The following NPHP4 variants were observed in gnomAD, a reference collection of about 807,000 sequenced individuals.
The protein encoded by NPHP4 is nephrocystin-4.
NPHP4 carries 151 observed loss-of-function variants against 155.8 expected under a neutral mutation model. That is an observed-to-expected ratio of 0.97 (90% CI 0.85 to 1.11). The LOEUF (loss-of-function observed/expected upper bound fraction) is 1.11. Among genes scored for constraint, NPHP4 ranks in the 50% least tolerant of loss-of-function variants. NPHP4 has a pLI of 0.00. For missense variants in NPHP4, 1,956 were observed against 1,925.7 expected, an observed-to-expected ratio of 1.02 and a Z score of -0.29; for synonymous variants, 845 against 816.8, an observed-to-expected ratio of 1.03 and a Z score of -0.59.
chr1:5,901,247 G>A (rs567834891), intron 16 of NPHP4, among the ~76,000 whole-genome samples: 17 of 152,184 alleles, frequency 1.1e-4, no homozygotes, highest in Middle Eastern at 3.4e-3. Context: ...TTTACCGTAC[G>A]CATGTTACAG....
At chr1:5,961,430 T>C (rs1570651798) in intron 6 of NPHP4, among the ~76,000 whole-genome samples, 1 of 152,138 alleles carries the variant, frequency 6.6e-6, no homozygotes, top group Non-Finnish European at 1.5e-5. Flanking sequence ...TTACCTTAAT[T>C]TAAAAATCAT....
intron 3 of NPHP4, among the ~76,000 whole-genome samples, chr1:5,973,050 A>C (rs1173948641): frequency 1.3e-5 from 2 of 152,106 alleles, no homozygotes; most frequent in Non-Finnish European, 2.9e-5. Context: ...ACGCCCAGCT[A>C]ATCTTTAAAT....
At chr1:5,875,207 C>T (rs2100639551) in intron 20 of NPHP4, 107 bp from the exon 21 acceptor site, 2 of 882,434 alleles carry the variant, frequency 2.3e-6, no homozygotes, top group East Asian at 5.3e-5. Context: ...GACATTTCTC[C>T]ACAAGCATCG....
intron 9 of NPHP4, among the ~76,000 whole-genome samples, chr1:5,941,442 C>T (rs1646812404): frequency 1.3e-5 from 2 of 151,570 alleles, no homozygotes; most frequent in Admixed American, 1.3e-4. Context: ...TATCTGACTA[C>T]ATTAAAAGAT....
At chr1:5,877,473 T>C in intron 19 of NPHP4, 175 bp from the exon 20 acceptor site, 1 of 450,342 alleles carries the variant, frequency 2.2e-6, no homozygotes, top group East Asian at 3.4e-5. Context: ...GATGATAACT[T>C]TATACCCTGG....
chr1:5,933,100 T>C (rs752910948), intron 10 of NPHP4, 47 bp downstream of exon 10: 1 of 1,383,948 alleles, frequency 7.2e-7, no homozygotes, highest in Non-Finnish European at 9.7e-7. Context: ...ATGAATGAAC[T>C]TGCTAGAAGC....
intron 23 of NPHP4, among the ~76,000 whole-genome samples, chr1:5,870,179 AGCTGAGCCTGGGGCGTCTT>A (rs1273646860): frequency 6.6e-6 from 1 of 152,190 alleles, no homozygotes; most frequent in Admixed American, 6.5e-5. Flanking sequence ...CTGAAATGCA[AGCTGAGCCTGGGGCGTCTT>A]GCTGTGCTGG....
At chr1:5,915,300 C>T (rs924012652) in intron 11 of NPHP4, among the ~76,000 whole-genome samples, 1 of 152,062 alleles carries the variant, frequency 6.6e-6, no homozygotes, top group Admixed American at 6.5e-5. Context: ...AAAGGAAGGA[C>T]CATCGCTAGT....
rs1557661591 is a variant in NPHP4 at position 5,889,210 on chromosome 1, A to G, written c.2304+1658T>C. ...GCAGTGATTAGCAGAAGGAAAAGCC[A>G]CTGTAGTGACCCGCAACAGCAAGAG... On this transcript the variant is annotated intron_variant, in intron 17 of 29. Transcript: ENST00000378156. This position sits in a 1 kb window ranked among gnomAD's most constrained non-coding sequence, Gnocchi z 4.2. Among the ~76,000 whole-genome samples, 2 of 152,180 alleles carry G rather than the reference A, an allele frequency of 1.3e-5. No homozygotes were observed. The highest frequency in any genetic ancestry group is 2.4e-5 in the African/African-American group (1 of 41,446).
chr1:5,969,252 T>G lies in NPHP4; in HGVS notation c.287A>C (p.Tyr96Ser). The G allele has an allele frequency of 6.4e-7, 1 of 1,555,472 alleles. No homozygotes were observed. The highest frequency in any genetic ancestry group is 8.8e-7 in the Non-Finnish European group (1 of 1,142,402). ...AGGGTGGTTTAGGGATGTGTGAAAA[T>G]ACAAGGGCTGCAGAACAGAAGCCAG... Reference protein sequence around the residue: ...PSRIVFNEPLYFHTSLNHPHI... With the variant: ...PSRIVFNEPLSFHTSLNHPHI... The change falls in exon 4 of 30, where the codon TAT (tyrosine) becomes TCT (serine). Residue 96 changes from tyrosine (Y) to serine (S), a missense_variant. Transcript: ENST00000378156.
intron 16 of NPHP4, among the ~76,000 whole-genome samples, chr1:5,902,269 G>A (rs1644719045): frequency 6.6e-6 from 1 of 152,202 alleles, no homozygotes; most frequent in South Asian, 2.1e-4. Context: ...TGTGCTTCCA[G>A]GCATGCAGAG....
In NPHP4 at chr1:5,952,818, G is replaced by A. The variant is rs1325516384; in HGVS notation, c.692C>T (p.Pro231Leu). 5 of 1,601,234 alleles carry A rather than the reference G, an allele frequency of 3.1e-6. No individual in the cohort carries two copies. The highest frequency in any genetic ancestry group is 4.3e-6 in the Non-Finnish European group (5 of 1,174,156). Reference sequence around the variant, plus strand: ...CCCCGTGATGGGCTTCTGGAGGCGAGGCTTTCGGAGAGCGTCGCCTGAAAC... The same window carrying A: ...CCCCGTGATGGGCTTCTGGAGGCGAAGCTTTCGGAGAGCGTCGCCTGAAAC... ...HGESGDALRK[P>L]RLQKPITGHL... The change falls in exon 7 of 30, where the codon CCT (proline) becomes CTT (leucine). Residue 231 changes from proline to leucine, a missense_variant. By Grantham distance (98) the Pro-to-Leu change is moderately conservative. Transcript: ENST00000378156.
At chr1:5,932,155 T>C (rs1646310893) in intron 10 of NPHP4, among the ~76,000 whole-genome samples, 1 of 152,146 alleles carries the variant, frequency 6.6e-6, no homozygotes, top group South Asian at 2.1e-4. Flanking sequence ...GCCTTGATAT[T>C]GATGGCTGCT....
chr1:5,880,309 C>G, intron 18 of NPHP4, 70 bp from the exon 19 acceptor site: 2 of 1,539,790 alleles, frequency 1.3e-6, no homozygotes, highest in East Asian at 2.3e-5. Context: ...ATCAACCCAC[C>G]ACATAAGCGG....
intron 1 of NPHP4, among the ~76,000 whole-genome samples, chr1:5,989,780 G>A (rs1285738964): frequency 1.3e-5 from 2 of 152,138 alleles, no homozygotes; most frequent in Non-Finnish European, 1.5e-5. Context: ...CCTCTCCCTG[G>A]GTGTCTGCAG....
rs758749242 is a variant in NPHP4, at chr1:5,875,625, G to T, written c.2818-525C>A. Among the ~76,000 whole-genome samples the T allele has an allele frequency of 2.6e-5, 4 of 152,336 alleles. No individual in the cohort carries two copies. The South Asian group carries it at 8.3e-4, about 32-fold the overall frequency. On this transcript the variant is annotated intron_variant, in intron 20 of 29. Coordinates refer to ENST00000378156, the MANE Select transcript of NPHP4 (RefSeq NM_015102.5). ...TCAGCCACCCCCTTGCTCTGATGCC[G>T]CAGGGACTCAAGGGGCTTGGCCAGC...
intron 11 of NPHP4, among the ~76,000 whole-genome samples, chr1:5,918,633 A>G (rs531624701): frequency 6.6e-6 from 1 of 152,362 alleles, no homozygotes; most frequent in African/African-American, 2.4e-5. Flanking sequence ...CCTGACCGAA[A>G]AAGGAAGAGT....
chr1:5,934,125 G>T (rs1387825487), intron 9 of NPHP4, among the ~76,000 whole-genome samples: 1 of 152,174 alleles, frequency 6.6e-6, no homozygotes, highest in Non-Finnish European at 1.5e-5. Flanking sequence ...GGACCCCAAA[G>T]TCCAGCAGAG....
chr1:5,896,720 C>T (rs1019349190), intron 16 of NPHP4, among the ~76,000 whole-genome samples: 4 of 152,220 alleles, frequency 2.6e-5, no homozygotes, highest in Admixed American at 2.6e-4. Context: ...AATCAAAGCA[C>T]CCCATATCCT....
Sources: gnomAD v4.1 joint callset for allele counts (sites outside exome capture counted in the v4.1 genomes callset) on GRCh38, gnomAD v4.1.1 for gene constraint, Gnocchi (gnomAD v3.1) non-coding constraint, MANE v1.5 for transcripts, NCBI Gene and HGNC (gene_info 2026-07-23, HGNC 2026-07-21) for gene names.